C1orf21: variants seen among roughly 807,000 people sequenced by gnomAD.
C1orf21 encodes the protein chromosome 1 open reading frame 21, also known as uncharacterized protein C1orf21.
In C1orf21, 3 loss-of-function variants were observed where a neutral mutation model predicts 18.7. That is an observed-to-expected ratio of 0.16 (90% CI 0.07 to 0.42). C1orf21 has a LOEUF of 0.42. Among genes scored for constraint, C1orf21 ranks in the 10% least tolerant of loss-of-function variants. The probability of loss-of-function intolerance (pLI) is 0.99; values close to 1 mark genes in which losing one functional copy is unlikely to be tolerated. For missense variants in C1orf21, 104 were observed against 143.6 expected, an observed-to-expected ratio of 0.72 and a Z score of 1.41; for synonymous variants, 41 against 46.4, an observed-to-expected ratio of 0.88 and a Z score of 0.47.
chr1:184,464,868 G>T (rs769853044), intron 1 of C1orf21, among the ~76,000 whole-genome samples: 2 of 152,148 alleles, frequency 1.3e-5, no homozygotes, highest in Non-Finnish European at 2.9e-5. Flanking sequence ...AACAGGGCTG[G>T]GTCCTGGGGG....
At chr1:184,491,998 G>A (rs777083107) in intron 2 of C1orf21, among the ~76,000 whole-genome samples, 1 of 152,186 alleles carries the variant, frequency 6.6e-6, no homozygotes, top group Non-Finnish European at 1.5e-5. Context: ...AATTTGAAAC[G>A]GAGCCATCTT....
intron 1 of C1orf21, among the ~76,000 whole-genome samples, chr1:184,427,749 T>G (rs560415038): frequency 8.0e-4 from 122 of 152,220 alleles, no homozygotes; most frequent in Non-Finnish European, 1.5e-3. Flanking sequence ...CATTTACATC[T>G]TACCTTTTCC....
chr1:184,558,341 G>C (rs1658908082), intron 3 of C1orf21, among the ~76,000 whole-genome samples: 1 of 152,148 alleles, frequency 6.6e-6, no homozygotes, highest in Admixed American at 6.5e-5. Flanking sequence ...TTTGTGTAAT[G>C]ACTGCTAATG....
intron 2 of C1orf21, among the ~76,000 whole-genome samples, chr1:184,482,861 TG>T (rs1390807373): frequency 6.6e-6 from 1 of 152,218 alleles, no homozygotes; most frequent in Non-Finnish European, 1.5e-5. Flanking sequence ...TGAAGCAGTT[TG>T]GGCGCCATGA....
At chr1:184,467,312 C>T (rs1423874484) in intron 1 of C1orf21, among the ~76,000 whole-genome samples, 1 of 152,132 alleles carries the variant, frequency 6.6e-6, no homozygotes, top group Non-Finnish European at 1.5e-5. Flanking sequence ...TGGAAACCTG[C>T]CTGGTGAAGG....
intron 1 of C1orf21, among the ~76,000 whole-genome samples, chr1:184,398,474 C>G (rs1656097917): frequency 6.6e-6 from 1 of 152,192 alleles, no homozygotes; most frequent in Non-Finnish European, 1.5e-5. Flanking sequence ...CTCCTTTCTT[C>G]TCATTTACTG....
intron 1 of C1orf21, among the ~76,000 whole-genome samples, chr1:184,466,381 A>G (rs1392970963): frequency 6.6e-6 from 1 of 152,194 alleles, no homozygotes; most frequent in Non-Finnish European, 1.5e-5. Flanking sequence ...GAGAAGGGAG[A>G]GGCCATCACT....
At chr1:184,478,748 C>A (rs1260459807) in intron 2 of C1orf21, among the ~76,000 whole-genome samples, 1 of 152,172 alleles carries the variant, frequency 6.6e-6, no homozygotes, top group Admixed American at 6.5e-5. Context: ...TAGTACCAGG[C>A]AGATGAAGCA....
At chr1:184,564,385 T>G (rs1445993038) in intron 3 of C1orf21, among the ~76,000 whole-genome samples, 1 of 152,214 alleles carries the variant, frequency 6.6e-6, no homozygotes, top group Non-Finnish European at 1.5e-5. Context: ...CTCAGCTCAC[T>G]GCAACCTGCG....
chr1:184,576,787 G>T (rs962350231), intron 3 of C1orf21, among the ~76,000 whole-genome samples: 1 of 152,176 alleles, frequency 6.6e-6, no homozygotes. Context: ...CCACTCTTGT[G>T]ACTTTCCTGC....
intron 1 of C1orf21, among the ~76,000 whole-genome samples, chr1:184,418,281 G>A (rs1020475670): frequency 1.3e-5 from 2 of 152,012 alleles, no homozygotes; most frequent in Admixed American, 6.6e-5. Flanking sequence ...ATGCAGTGGC[G>A]CCATCATGGC....
At chr1:184,540,025 GT>G (rs1191544256) in intron 3 of C1orf21, 2 of 152,170 alleles carry the variant, frequency 1.3e-5, no homozygotes, top group Non-Finnish European at 2.9e-5. Flanking sequence ...AAGCCATTCT[GT>G]TTTGGGGATG....
At chr1:184,566,102 A>G (rs1299860698) in intron 3 of C1orf21, among the ~76,000 whole-genome samples, 1 of 152,186 alleles carries the variant, frequency 6.6e-6, no homozygotes, top group Non-Finnish European at 1.5e-5. Context: ...AGGTCTCAAA[A>G]GAAGATCCCC....
At chr1:184,583,590 T>C (rs1386947267) in intron 3 of C1orf21, among the ~76,000 whole-genome samples, 7 of 152,202 alleles carry the variant, frequency 4.6e-5, no homozygotes, top group Non-Finnish European at 2.9e-5. Flanking sequence ...GGGGAAATAC[T>C]AAGTGTAAAG....
intron 2 of C1orf21, among the ~76,000 whole-genome samples, chr1:184,487,625 G>A (rs1166963677): frequency 6.6e-6 from 1 of 152,212 alleles, no homozygotes; most frequent in Non-Finnish European, 1.5e-5. Context: ...GTCAGACTCA[G>A]TTTTTAAATG....
chr1:184,404,034 A>T (rs930456546), intron 1 of C1orf21, among the ~76,000 whole-genome samples: 12 of 152,240 alleles, frequency 7.9e-5, no homozygotes, highest in African/African-American at 2.9e-4. Context: ...GATATGTTAT[A>T]TGCCAGATAT....
chr1:184,579,513 CT>C (rs1459296856), intron 3 of C1orf21, among the ~76,000 whole-genome samples: 7 of 94,656 alleles, frequency 7.4e-5, no homozygotes, highest in Non-Finnish European at 1.1e-4. Flanking sequence ...TTTTTTTTTC[CT>C]TTTTTTTTTG....
intron 2 of C1orf21, among the ~76,000 whole-genome samples, chr1:184,494,523 G>T (rs1348865802): frequency 6.6e-6 from 1 of 152,148 alleles, no homozygotes; most frequent in Non-Finnish European, 1.5e-5. Flanking sequence ...GATTAGGGAG[G>T]TATGAATGGA....
At chr1:184,470,993 A>G (rs1251295254) in intron 1 of C1orf21, among the ~76,000 whole-genome samples, 1 of 152,128 alleles carries the variant, frequency 6.6e-6, no homozygotes, top group Non-Finnish European at 1.5e-5. Flanking sequence ...GGGTCCACAC[A>G]GCTGTGAATG....
Sources: allele counts gnomAD v4.1 joint callset (sites outside exome capture counted in the v4.1 genomes callset), GRCh38; gene constraint gnomAD v4.1.1; transcripts MANE v1.5; gene names NCBI Gene and HGNC (gene_info 2026-07-23, HGNC 2026-07-21).